HDLBP: variants seen among roughly 807,000 people sequenced by gnomAD.
HDLBP encodes vigilin.
HDLBP carries 30 observed loss-of-function variants against 137.3 expected under a neutral mutation model. The ratio of observed to expected loss-of-function variants is 0.22; its 90% CI spans 0.16 to 0.30. HDLBP has a LOEUF of 0.30. HDLBP is among the 10% of genes least tolerant of loss of function. The pLI, the probability that HDLBP is intolerant of heterozygous loss-of-function variation, is 1.00. For missense variants in HDLBP, 1,119 were observed against 1,667.3 expected (o/e 0.67, Z 5.73); for synonymous variants, 606 against 596.0 (o/e 1.02, Z -0.24).
Position 241,235,566 on chromosome 2 carries a change from T to G in HDLBP, c.2933A>C (p.Glu978Ala), listed in dbSNP as rs769672109. 6.2e-7 allele frequency: 1 copy of G among 1,614,018 alleles called. No homozygotes were observed. The highest frequency in any genetic ancestry group is 8.5e-7 in the Non-Finnish European group (1 of 1,179,928). ...GTAACGGTGAAGGTCAAAGGGCACC[T>G]CTACTTCAATGGTGACAGGAACCAA... ...EALVPVTIEVEVPFDLHRYVI... is the reference protein window; with the variant it reads ...EALVPVTIEVAVPFDLHRYVI... The change falls in exon 22 of 28, where the codon GAG becomes GCG. Residue 978 changes from glutamate (E) to alanine (A), a missense_variant. Transcript: ENST00000310931.
rs747771920 is a variant in HDLBP, at chr2:241,229,867, C to T, written c.3686G>A (p.Arg1229Gln). Residue 1229 changes from arginine to glutamine, a missense_variant, in exon 27 of 28, where the codon CGG becomes CAG. Around this residue, in one of 4 missense-constraint regions of HDLBP, gnomAD observed 618 missense variants for 816.7 expected, o/e 0.76. Transcript: ENST00000310931. ...GCTGCTGGCGGTCCAGGGTGCGTCC[C>T]GCACCACAAAGCCTCTGGAAGGTGC... ...AKAPSRGFVV[R>Q]DAPWTASSSE... The T allele has an allele frequency of 4.4e-6, 7 of 1,585,536 alleles. No individual in the cohort carries two copies. Among genetic ancestry groups the T allele is most frequent in the African/African-American group, 2.7e-5 (2 of 74,354 alleles).
chr2:241,257,668 G>A (rs2072768068), intron 5 of HDLBP, among the ~76,000 whole-genome samples: 1 of 152,222 alleles, frequency 6.6e-6, no homozygotes, highest in Admixed American at 6.5e-5. Context: ...GAAGGTTTAA[G>A]TAGATGGCGA....
At chr2:241,246,574 T>C (rs2071698366) in intron 16 of HDLBP, 178 bp downstream of exon 16, 1 of 627,072 alleles carries the variant, frequency 1.6e-6, no homozygotes, top group Non-Finnish European at 2.8e-6. Context: ...GTAAGTATCG[T>C]GAGAGACAAA....
chr2:241,270,196 G>A (rs1250456913), intron 1 of HDLBP, among the ~76,000 whole-genome samples: 6 of 152,206 alleles, frequency 3.9e-5, no homozygotes, highest in Admixed American at 6.5e-5. Context: ...TATACTGAAA[G>A]GAGTCTCAAC....
Position 241,309,237 on chromosome 2 carries a change from G to A in HDLBP, c.-103+6333C>T, listed in dbSNP as rs756255218. On this transcript the variant is annotated intron_variant, in intron 1 of 27. Transcript: ENST00000310931. ...CATTGGACATACTGCATATCTGCTGGTCTGCTGACTGCCTGACACCGCTTA... is the reference window on the plus strand; with the variant it reads ...CATTGGACATACTGCATATCTGCTGATCTGCTGACTGCCTGACACCGCTTA... 1.1e-3 allele frequency among the ~76,000 whole-genome samples: 166 copies of A among 152,088 alleles called. 1 individual carries two copies. The highest frequency in any genetic ancestry group is 8.1e-4 in the Non-Finnish European group (55 of 67,992).
In HDLBP at chr2:241,242,940, C is replaced by G. The variant is rs978854056; in HGVS notation, c.1951-262G>C. ...TTAACTCAACAGGACCCAGAGTCCTCGTGAATCTATGCTGGATTGGGAGGT... is the reference window on the plus strand; with the variant it reads ...TTAACTCAACAGGACCCAGAGTCCTGGTGAATCTATGCTGGATTGGGAGGT... On this transcript the variant is annotated intron_variant, in intron 16 of 27. Transcript: ENST00000310931. 4 of 531,170 alleles carry G rather than the reference C, an allele frequency of 7.5e-6. No individual in the cohort carries two copies. In the African/African-American group the frequency reaches 7.6e-5, roughly 10 times the overall value. The allele number at this position is 531,170 out of a possible 1,614,324, so 32.9% of individuals were successfully genotyped here.
intron 1 of HDLBP, among the ~76,000 whole-genome samples, chr2:241,307,848 C>T (rs921920134): frequency 6.6e-6 from 1 of 152,018 alleles, no homozygotes; most frequent in African/African-American, 2.4e-5. Context: ...CTTAATAAAT[C>T]CCCTACTGAT....
At chr2:241,266,651 C>G in intron 3 of HDLBP, 143 bp downstream of exon 3, 1 of 646,516 alleles carries the variant, frequency 1.5e-6, no homozygotes, top group South Asian at 1.8e-5. Flanking sequence ...AATGCGAAAA[C>G]AGTGCACAAG....
chr2:241,309,283 A>T (rs1358706482), intron 1 of HDLBP, among the ~76,000 whole-genome samples: 1 of 152,182 alleles, frequency 6.6e-6, no homozygotes, highest in Non-Finnish European at 1.5e-5. Context: ...ACCTCCGTGA[A>T]AGTGCAGGAG....
chr2:241,236,814 GA>G (rs777072896), intron 20 of HDLBP, 45 bp from the exon 21 acceptor site: 321 of 1,598,206 alleles, frequency 2.0e-4, no homozygotes, highest in Admixed American at 2.9e-4. Flanking sequence ...TGCTGGAAGA[GA>G]CCCCACACCT....
At position 241,256,410 on chromosome 2, in the gene HDLBP, A is replaced by T; in HGVS notation, c.658-11T>A. ...CACAGCACGTTTGTCCTGGAAAGGA[A>T]GGGATGATCTGATGAGAACAGGCCT... On this transcript the variant is annotated splice_polypyrimidine_tract_variant and intron_variant, in intron 6 of 27. Transcript: ENST00000310931. 6.3e-7 allele frequency: 1 copy of T among 1,596,874 alleles called. No homozygotes were observed. Among genetic ancestry groups the T allele is most frequent in the African/African-American group, 1.3e-5 (1 of 74,762 alleles).
At position 241,238,798 on chromosome 2, in the gene HDLBP, G is replaced by A. The variant is rs369537408; in HGVS notation, c.2611-11C>T. The A allele has an allele frequency of 2.7e-6, 4 of 1,473,678 alleles. No individual in the cohort carries two copies. Among genetic ancestry groups the A allele is most frequent in the Non-Finnish European group, 3.6e-6 (4 of 1,101,002 alleles). The allele number at this position is 1,473,678 out of a possible 1,614,324, so 91.3% of individuals were successfully genotyped here. On this transcript the variant is annotated splice_polypyrimidine_tract_variant and intron_variant, in intron 19 of 27. Transcript: ENST00000310931. This position sits in a 1 kb window ranked among gnomAD's most constrained non-coding sequence, Gnocchi z 4.9. ...TGTCACCTGAGCTTCCTGGAGGGAG[G>A]TACACAAAGAAAAAAGAAAAGAGCA...
rs1270639442 is a variant in HDLBP at position 241,239,289 on chromosome 2, T to C, written c.2610+313A>G. On this transcript the variant is annotated intron_variant, in intron 19 of 27. Coordinates refer to ENST00000310931, the MANE Select transcript of HDLBP (RefSeq NM_005336.6). The surrounding 1 kb of genome is among the most constrained non-coding windows in gnomAD (Gnocchi z 4.6). The stretch of plus-strand genomic sequence containing the variant: ...CCTTAGACTGCATTTTCATTTTTCC[T>C]GATCCCTTATACAGAATGCATTTTC... 1.3e-5 allele frequency among the ~76,000 whole-genome samples: 2 copies of C among 152,222 alleles called. No individual in the cohort carries two copies. Among genetic ancestry groups the C allele is most frequent in the Non-Finnish European group, 2.9e-5 (2 of 68,036 alleles).
intron 1 of HDLBP, among the ~76,000 whole-genome samples, chr2:241,293,452 C>T (rs925397043): frequency 4.0e-5 from 6 of 151,890 alleles, no homozygotes; most frequent in African/African-American, 1.5e-4. Context: ...GAGTTATAAT[C>T]ACGCTACTGC....
chr2:241,297,934 G>A (rs1432712609), intron 1 of HDLBP, among the ~76,000 whole-genome samples: 1 of 151,228 alleles, frequency 6.6e-6, no homozygotes, highest in South Asian at 2.1e-4. Flanking sequence ...TGCAGTCCCA[G>A]CTACCGGGGA....
At chr2:241,280,490 C>G (rs1011467465) in intron 1 of HDLBP, among the ~76,000 whole-genome samples, 1 of 152,196 alleles carries the variant, frequency 6.6e-6, no homozygotes, top group Non-Finnish European at 1.5e-5. Context: ...CTAATTCTGT[C>G]AGTTTCACTA....
chr2:241,247,034 G>A (rs779252966), intron 15 of HDLBP, 22 bp downstream of exon 15: 1 of 1,591,890 alleles, frequency 6.3e-7, no homozygotes, highest in Non-Finnish European at 8.6e-7. Context: ...GAAGAAGCAA[G>A]ATGCAGCGGA....
In HDLBP at chr2:241,238,706, G is replaced by A. The variant is rs759778635; in HGVS notation, c.2692C>T (p.Gln898Ter). The A allele has an allele frequency of 6.3e-7, 1 of 1,590,688 alleles. No homozygotes were observed. The highest frequency in any genetic ancestry group is 8.6e-7 in the Non-Finnish European group (1 of 1,163,306). The change falls in exon 20 of 28, where the codon CAG (glutamine) becomes TAG (stop). Residue 898 changes from glutamine to a stop codon, truncating the protein, a stop_gained. Coordinates refer to ENST00000310931, the MANE Select transcript of HDLBP (RefSeq NM_005336.6). LOFTEE classifies it high-confidence loss of function. The surrounding 1 kb of genome is among the most constrained non-coding windows in gnomAD (Gnocchi z 4.9). The part of the protein sequence containing the change: ...VMGPKGSRIQ[Q>*]ITRDFSVQIK... ...TGAACACTGAAATCCCGAGTAATCT[G>A]CTGGATTCTGGAACCTTTGGGGCCC...
At chr2:241,267,429 G>C (rs1002621510) in intron 2 of HDLBP, 1 of 710,994 alleles carries the variant, frequency 1.4e-6, no homozygotes, top group Non-Finnish European at 2.4e-6. Flanking sequence ...AGGGGCCACA[G>C]AGACACAGTC....
Sources: allele counts gnomAD v4.1 joint callset (sites outside exome capture counted in the v4.1 genomes callset), GRCh38; gene constraint gnomAD v4.1.1; regional missense constraint gnomAD v4.1.1; non-coding constraint Gnocchi (gnomAD v3.1); transcripts MANE v1.5; gene names NCBI Gene and HGNC (gene_info 2026-07-23, HGNC 2026-07-21).